GUCY1A2: variants seen among roughly 807,000 people sequenced by gnomAD.
GUCY1A2 encodes guanylate cyclase soluble subunit alpha-2.
GUCY1A2 carries 27 observed loss-of-function variants against 63.5 expected under a neutral mutation model. The ratio of observed to expected loss-of-function variants is 0.43; its 90% confidence interval spans 0.31 to 0.59. The LOEUF is 0.59. Ranked by LOEUF, GUCY1A2 falls within the 20% of genes least tolerant of loss-of-function variation. The pLI is 0.11. For missense variants in GUCY1A2, 768 were observed against 913.3 expected (o/e 0.84, Z 2.05); for synonymous variants, 364 against 343.5 (o/e 1.06, Z -0.66).
intron 3 of GUCY1A2, among the ~76,000 whole-genome samples, chr11:106,959,952 C>A (rs151195970): frequency 6.6e-6 from 1 of 152,268 alleles, no homozygotes; most frequent in Non-Finnish European, 1.5e-5. Context: ...GAGCACACTG[C>A]CCAGGAGCCT....
intron 6 of GUCY1A2, among the ~76,000 whole-genome samples, chr11:106,712,431 C>A (rs1380822945): frequency 1.3e-5 from 2 of 152,048 alleles, no homozygotes; most frequent in African/African-American, 2.4e-5. Flanking sequence ...CGTTTTAATG[C>A]CCTTGTCTGC....
intron 6 of GUCY1A2, among the ~76,000 whole-genome samples, chr11:106,749,005 T>C (rs570884409): frequency 6.6e-6 from 1 of 152,254 alleles, no homozygotes; most frequent in African/African-American, 2.4e-5. Flanking sequence ...TGGGCTCACA[T>C]ATACAATGGC....
At position 106,970,305 on chromosome 11, in the gene GUCY1A2, G is replaced by A. The variant is rs1405893087; in HGVS notation, c.487+8314C>T. Among the ~76,000 whole-genome samples, 3 of 152,074 alleles carry A rather than the reference G, an allele frequency of 2.0e-5. No homozygotes were observed. The East Asian group carries it at 5.8e-4, about 29-fold the overall frequency. On this transcript the variant is annotated intron_variant, in intron 3 of 7. Coordinates refer to ENST00000526355, the MANE Select transcript of GUCY1A2 (RefSeq NM_000855.3). ...ATAAATGCTGAATAACTTCATTCCA[G>A]GAACTTATTGTTACTAAGCAAAAGA...
chr11:106,809,857 C>T (rs1858740431), intron 5 of GUCY1A2, 136 bp downstream of exon 5: 1 of 578,400 alleles, frequency 1.7e-6, no homozygotes, highest in Non-Finnish European at 3.0e-6. Flanking sequence ...GAAGAAATAC[C>T]TGTATTATCT....
intron 4 of GUCY1A2, among the ~76,000 whole-genome samples, chr11:106,835,970 A>T (rs1859111945): frequency 6.6e-6 from 1 of 152,026 alleles, no homozygotes; most frequent in African/African-American, 2.4e-5. Context: ...TTTTCTGTGG[A>T]AGATAATGGA....
intron 4 of GUCY1A2, among the ~76,000 whole-genome samples, chr11:106,922,746 GTTAAT>G (rs1299483147): frequency 2.8e-4 from 39 of 141,304 alleles, no homozygotes; most frequent in Non-Finnish European, 5.6e-4. Context: ...TATATGAGTG[GTTAAT>G]TTAAATATAT....
At chr11:106,782,827 A>T (rs1275862702) in intron 5 of GUCY1A2, among the ~76,000 whole-genome samples, 1 of 152,220 alleles carries the variant, frequency 6.6e-6, no homozygotes, top group African/African-American at 2.4e-5. Flanking sequence ...GAAGAGCAGG[A>T]AAAACTATGG....
At chr11:106,730,844 G>T (rs921127047) in intron 6 of GUCY1A2, among the ~76,000 whole-genome samples, 2 of 152,036 alleles carry the variant, frequency 1.3e-5, no homozygotes, top group African/African-American at 4.8e-5. Context: ...CTGTGGTTTT[G>T]ATTTGAATTT....
At chr11:106,962,583 T>C (rs1416563483) in intron 3 of GUCY1A2, among the ~76,000 whole-genome samples, 1 of 149,114 alleles carries the variant, frequency 6.7e-6, no homozygotes, top group Non-Finnish European at 1.5e-5. Context: ...GAAATGAAAG[T>C]CTGTATATGA....
intron 4 of GUCY1A2, among the ~76,000 whole-genome samples, chr11:106,915,733 G>A (rs528428190): frequency 6.9e-6 from 1 of 144,922 alleles, no homozygotes; most frequent in Admixed American, 6.9e-5. Context: ...AATGAGCCAC[G>A]TAAACCAAGT....
At chr11:106,698,257 C>CCTAA (rs1180071161) in intron 7 of GUCY1A2, among the ~76,000 whole-genome samples, 1 of 149,374 alleles carries the variant, frequency 6.7e-6, no homozygotes, top group African/African-American at 2.5e-5. Context: ...GCAACTGAGA[C>CCTAA]TTTAGGCACA....
chr11:106,857,614 G>A (rs1179778933), intron 4 of GUCY1A2, among the ~76,000 whole-genome samples: 3 of 152,000 alleles, frequency 2.0e-5, no homozygotes, highest in Admixed American at 6.6e-5. Flanking sequence ...CAGTTTTTTC[G>A]AGAACGTACA....
intron 4 of GUCY1A2, among the ~76,000 whole-genome samples, chr11:106,901,383 A>C (rs534525409): frequency 1.3e-5 from 2 of 151,998 alleles, no homozygotes; most frequent in African/African-American, 2.4e-5. Flanking sequence ...TGAGAACTGA[A>C]ATCAATGCCT....
intron 3 of GUCY1A2, among the ~76,000 whole-genome samples, chr11:106,944,855 G>T (rs961331221): frequency 7.9e-5 from 12 of 151,986 alleles, no homozygotes; most frequent in African/African-American, 2.9e-4. Flanking sequence ...AAATCACAAA[G>T]CACATGTCCG....
At chr11:106,995,383 G>A (rs1333456599) in intron 1 of GUCY1A2, among the ~76,000 whole-genome samples, 1 of 152,164 alleles carries the variant, frequency 6.6e-6, no homozygotes, top group African/African-American at 2.4e-5. Flanking sequence ...AAGTGTCTGA[G>A]TCACAATCCA....
intron 4 of GUCY1A2, among the ~76,000 whole-genome samples, chr11:106,891,683 T>C (rs1313945127): frequency 6.6e-6 from 1 of 152,134 alleles, no homozygotes; most frequent in African/African-American, 2.4e-5. Context: ...TTCTATTCTT[T>C]ATTGAATTGC....
chr11:106,781,357 A>G (rs1428189565), intron 5 of GUCY1A2, among the ~76,000 whole-genome samples: 1 of 152,200 alleles, frequency 6.6e-6, no homozygotes, highest in African/African-American at 2.4e-5. Flanking sequence ...AAAAACTTAC[A>G]TTATTTTCTG....
At chr11:106,925,736 G>A (rs905608718) in intron 4 of GUCY1A2, among the ~76,000 whole-genome samples, 2 of 152,150 alleles carry the variant, frequency 1.3e-5, no homozygotes, top group East Asian at 3.9e-4. Flanking sequence ...CATAAAGTGT[G>A]CTTTTGAAAA....
intron 4 of GUCY1A2, among the ~76,000 whole-genome samples, chr11:106,899,699 T>C (rs1860101637): frequency 6.6e-6 from 1 of 152,188 alleles, no homozygotes; most frequent in African/African-American, 2.4e-5. Flanking sequence ...CTGATGAACC[T>C]TCATCCCAGA....
Sources: gnomAD v4.1 joint callset for allele counts (sites outside exome capture counted in the v4.1 genomes callset) on GRCh38, gnomAD v4.1.1 for gene constraint, MANE v1.5 for transcripts, NCBI Gene and HGNC (gene_info 2026-07-23, HGNC 2026-07-21) for gene names.